ODF2: variants seen among roughly 807,000 people sequenced by gnomAD.
The protein encoded by ODF2 is outer dense fiber of sperm tails 2, also known as outer dense fiber protein 2.
A neutral mutation model predicts 110.2 loss-of-function variants in ODF2; 47 were observed. The observed-to-expected ratio is 0.43, with a 90% confidence interval of 0.34 to 0.54. The LOEUF (loss-of-function observed/expected upper bound fraction) is 0.54. Among genes scored for constraint, ODF2 ranks in the 20% least tolerant of loss-of-function variants. The pLI is 0.03. For missense variants in ODF2, 812 were observed against 1,054.5 expected (o/e 0.77, Z 3.19); for synonymous variants, 352 against 397.7 (o/e 0.89, Z 1.37).
At chr9:128,477,688 C>G (rs1268987103) in intron 8 of ODF2, among the ~76,000 whole-genome samples, 1 of 151,842 alleles carries the variant, frequency 6.6e-6, no homozygotes, top group Non-Finnish European at 1.5e-5. Flanking sequence ...TCACTGCAAC[C>G]TTCCCCTCAC....
intron 1 of ODF2, chr9:128,456,755 C>T (rs1834919743): frequency 1.0e-6 from 1 of 953,184 alleles, no homozygotes; most frequent in Non-Finnish European, 1.2e-6. Context: ...GGCCCTCGCC[C>T]GGCGGGGGGG....
At chr9:128,461,917 G>C (rs1382560911) in intron 4 of ODF2, among the ~76,000 whole-genome samples, 1 of 152,048 alleles carries the variant, frequency 6.6e-6, no homozygotes, top group East Asian at 1.9e-4. Flanking sequence ...GGCTTTCTTA[G>C]GATTAAATGG....
chr9:128,483,450 G>A (rs1280217419), intron 10 of ODF2, among the ~76,000 whole-genome samples: 1 of 151,908 alleles, frequency 6.6e-6, no homozygotes, highest in Non-Finnish European at 1.5e-5. Context: ...AGGTGTGGTG[G>A]CATGCACCTG....
exon 12 of ODF2, chr9:128,484,782 G>T: frequency 6.2e-7 from 1 of 1,612,604 alleles, no homozygotes; most frequent in Non-Finnish European, 8.5e-7. Context: ...GCAGAAGGGA[G>T]ACCGAGACAA....
At chr9:128,500,689 C>G (rs1846356683), downstream of ODF2, 1 of 146,548 alleles carries the variant, frequency 6.8e-6, no homozygotes, top group African/African-American at 2.5e-5. Flanking sequence ...CCATCACTTG[C>G]TTTTTTTTTT....
At chr9:128,459,273 C>A (rs1304915868) in intron 2 of ODF2, among the ~76,000 whole-genome samples, 1 of 152,146 alleles carries the variant, frequency 6.6e-6, no homozygotes, top group Non-Finnish European at 1.5e-5. Context: ...GTGCTGCTTG[C>A]TTTTTGTCAT....
At chr9:128,496,254 G>T in intron 18 of ODF2, 113 bp downstream of exon 18, 1 of 1,547,722 alleles carries the variant, frequency 6.5e-7, no homozygotes, top group Non-Finnish European at 8.7e-7. Flanking sequence ...GGCCCTGGAA[G>T]GTACTAGGCA....
At chr9:128,486,227 G>A (rs969004320) in intron 13 of ODF2, among the ~76,000 whole-genome samples, 1 of 152,122 alleles carries the variant, frequency 6.6e-6, no homozygotes, top group Non-Finnish European at 1.5e-5. Context: ...CCCAGGTCAG[G>A]AAAGTCTCTT....
At chr9:128,492,860 TGACTG>T in intron 16 of ODF2, 55 bp downstream of exon 16, 6 of 1,420,618 alleles carry the variant, frequency 4.2e-6, no homozygotes, top group African/African-American at 1.4e-5. Context: ...TCTAACTCAA[TGACTG>T]TGAGTCTGTT....
At chr9:128,484,224 A>C (rs1842952218) in intron 11 of ODF2, among the ~76,000 whole-genome samples, 170 bp downstream of exon 11, 1 of 152,196 alleles carries the variant, frequency 6.6e-6, no homozygotes, top group African/African-American at 2.4e-5. Flanking sequence ...GGCAAGAGCA[A>C]TGGACAGAGA....
At chr9:128,487,772 G>A in intron 13 of ODF2, 118 bp from the exon 14 acceptor site, 1 of 1,246,988 alleles carries the variant, frequency 8.0e-7, no homozygotes, top group Non-Finnish European at 1.1e-6. Context: ...AGGTGACAGA[G>A]CGAGACTCCG....
intron 7 of ODF2, 43 bp from the exon 8 acceptor site, chr9:128,473,567 C>T (rs1348959260): frequency 6.2e-7 from 1 of 1,609,002 alleles, no homozygotes; most frequent in Non-Finnish European, 8.5e-7. Context: ...CTGCTTCTTC[C>T]CTTCTCCCCC....
At chr9:128,473,782 C>G in intron 8 of ODF2, 41 bp downstream of exon 8, 1 of 1,559,176 alleles carries the variant, frequency 6.4e-7, no homozygotes, top group Non-Finnish European at 8.8e-7. Context: ...GCTCTGCATG[C>G]CCATCCTCTC....
At position 128,492,745 on chromosome 9, in the gene ODF2, A is replaced by G. The variant is rs770906345; in HGVS notation, c.1692A>G (p.Leu564=). 5.0e-6 allele frequency: 8 copies of G among 1,614,108 alleles called. No homozygotes were observed. In the African/African-American group the frequency reaches 9.3e-5, roughly 19 times the overall value. Residue 564 remains leucine, a synonymous_variant, in exon 16 of 21, where the codon CTA becomes CTG. Coordinates refer to ENST00000604420, the Ensembl canonical transcript of ODF2. ...AGGCTGATGAAGTAGCTGCCCAGCT[A>G]GAACGCTGTGACAAAGAGAACAAGA...
exon 9 of ODF2, chr9:128,481,601 C>A (rs780073938): frequency 1.2e-6 from 2 of 1,613,856 alleles, no homozygotes; most frequent in East Asian, 4.5e-5. Context: ...ACTAATGGAG[C>A]AACAAGGAGC....
chr9:128,460,890 C>A (rs951968095), intron 3 of ODF2, 52 bp from the exon 4 acceptor site: 1 of 1,612,274 alleles, frequency 6.2e-7, no homozygotes, highest in Non-Finnish European at 8.5e-7. Context: ...ACTAGCGTGG[C>A]ACCGTGGCCA....
chr9:128,464,888 T>C (rs1837426901), intron 4 of ODF2, among the ~76,000 whole-genome samples: 1 of 95,900 alleles, frequency 1.0e-5, no homozygotes, highest in Non-Finnish European at 2.1e-5. Flanking sequence ...AGAGACGGGG[T>C]TTCACCGTTT....
chr9:128,457,943 ATTTT>A (rs1181931486), intron 2 of ODF2, among the ~76,000 whole-genome samples: 2 of 140,412 alleles, frequency 1.4e-5, no homozygotes, highest in Non-Finnish European at 3.1e-5. Flanking sequence ...ATATATATAT[ATTTT>A]TTTTTTTTCC....
intron 1 of ODF2, chr9:128,457,047 G>T: frequency 7.8e-7 from 1 of 1,290,112 alleles, no homozygotes. Context: ...GTCCGCCGGC[G>T]CCTCAGGTTT....
Sources: gnomAD v4.1 joint callset for allele counts (sites outside exome capture counted in the v4.1 genomes callset) on GRCh38, gnomAD v4.1.1 for gene constraint, MANE v1.5 for transcripts, NCBI Gene and HGNC (gene_info 2026-07-23, HGNC 2026-07-21) for gene names.